THSD7B: variants seen among roughly 807,000 people sequenced by gnomAD.
THSD7B encodes thrombospondin type 1 domain containing 7B, also known as thrombospondin type-1 domain-containing protein 7B.
THSD7B carries 138 observed loss-of-function variants against 213.6 expected under a neutral mutation model. That is an observed-to-expected ratio of 0.65 (90% CI 0.56 to 0.74). The LOEUF (loss-of-function observed/expected upper bound fraction) is 0.74, where lower values mean the gene tolerates loss of function less well. Ranked by LOEUF, THSD7B falls within the 30% of genes least tolerant of loss-of-function variation. The probability of loss-of-function intolerance (pLI) is 0.00; values close to 1 mark genes in which losing one functional copy is unlikely to be tolerated. For missense variants in THSD7B, 1,931 were observed against 1,991.5 expected, an observed-to-expected ratio of 0.97 and a Z score of 0.58; for synonymous variants, 742 against 687.0, an observed-to-expected ratio of 1.08 and a Z score of -1.25.
chr2:137,614,952 C>T (rs1682355952), intron 17 of THSD7B, among the ~76,000 whole-genome samples: 1 of 152,148 alleles, frequency 6.6e-6, no homozygotes, highest in Admixed American at 6.6e-5. Flanking sequence ...AAATATCCCA[C>T]TTATAGAAAT....
chr2:136,842,513 T>C (rs765790357), intron 1 of THSD7B, among the ~76,000 whole-genome samples: 1 of 152,198 alleles, frequency 6.6e-6, no homozygotes, highest in African/African-American at 2.4e-5. Context: ...AGTGAGGTGA[T>C]TTCAGGGAAA....
chr2:137,293,352 G>A (rs954226528), intron 12 of THSD7B, among the ~76,000 whole-genome samples: 1 of 151,912 alleles, frequency 6.6e-6, no homozygotes, highest in African/African-American at 2.4e-5. Context: ...TGCCCAGGAT[G>A]ACCTAAAATC....
At chr2:136,930,581 C>T (rs1684611008) in intron 2 of THSD7B, among the ~76,000 whole-genome samples, 1 of 152,136 alleles carries the variant, frequency 6.6e-6, no homozygotes, top group African/African-American at 2.4e-5. Context: ...TGGTACCCAG[C>T]TAGAAAATGA....
intron 1 of THSD7B, among the ~76,000 whole-genome samples, chr2:136,822,173 G>A (rs1365094535): frequency 6.6e-6 from 1 of 152,180 alleles, no homozygotes. Flanking sequence ...GAATGAAGTA[G>A]AGACTAATGC....
chr2:137,289,663 G>A lies in THSD7B; in HGVS notation c.2500+13637G>A, dbSNP rs553087053. 2.0e-5 allele frequency among the ~76,000 whole-genome samples: 3 copies of A among 152,086 alleles called. No individual in the cohort carries two copies. In the South Asian group the frequency reaches 6.3e-4, roughly 32 times the overall value. On this transcript the variant is annotated intron_variant, in intron 12 of 27. Coordinates refer to ENST00000409968, the MANE Select transcript of THSD7B (RefSeq NM_001316349.2). ...TTTTAAATAATAATTTTGGGACTAA[G>A]GGCTAACAGCAAACAGATATTGAAT...
chr2:137,036,566 T>C (rs987085470), intron 2 of THSD7B, among the ~76,000 whole-genome samples: 3 of 152,174 alleles, frequency 2.0e-5, no homozygotes, highest in Non-Finnish European at 4.4e-5. Flanking sequence ...CATACCTGTT[T>C]CAAGTAGACT....
intron 12 of THSD7B, among the ~76,000 whole-genome samples, chr2:137,284,138 G>A (rs956044610): frequency 2.6e-5 from 4 of 152,132 alleles, no homozygotes; most frequent in African/African-American, 9.6e-5. Flanking sequence ...GAGAGTGTAT[G>A]TGTCAAGGAA....
chr2:137,135,849 T>TA (rs141584301), intron 5 of THSD7B, among the ~76,000 whole-genome samples: 27,700 of 148,972 alleles, frequency 0.19, 2,665 homozygotes, highest in Admixed American at 0.23. Flanking sequence ...TATGCTACAC[T>TA]AAAAAAAAAA....
chr2:137,037,680 G>A (rs1232961071), intron 2 of THSD7B, among the ~76,000 whole-genome samples: 2 of 151,978 alleles, frequency 1.3e-5, no homozygotes, highest in Non-Finnish European at 2.9e-5. Context: ...AGATAAATAT[G>A]GATTTATTTG....
intron 1 of THSD7B, among the ~76,000 whole-genome samples, chr2:136,811,198 G>A (rs990706045): frequency 6.6e-6 from 1 of 152,122 alleles, no homozygotes; most frequent in South Asian, 2.1e-4. Flanking sequence ...CCTGGACTCC[G>A]GGATTTCCCC....
chr2:136,900,348 TC>T (rs1211458714), intron 2 of THSD7B, among the ~76,000 whole-genome samples: 1 of 152,160 alleles, frequency 6.6e-6, no homozygotes, highest in Non-Finnish European at 1.5e-5. Flanking sequence ...CTAAAAAGTT[TC>T]CTTTGGCTCC....
intron 10 of THSD7B, among the ~76,000 whole-genome samples, chr2:137,247,916 T>A (rs1460993661): frequency 6.6e-6 from 1 of 152,186 alleles, no homozygotes; most frequent in Non-Finnish European, 1.5e-5. Flanking sequence ...TAAGGTAATA[T>A]TACCAGCTAC....
intron 10 of THSD7B, among the ~76,000 whole-genome samples, chr2:137,250,294 A>C (rs1682144074): frequency 6.6e-6 from 1 of 152,158 alleles, no homozygotes; most frequent in African/African-American, 2.4e-5. Context: ...TATGGGGTAT[A>C]ATGTGATGTT....
intron 7 of THSD7B, among the ~76,000 whole-genome samples, chr2:137,221,454 C>T (rs1338502280): frequency 1.3e-5 from 2 of 152,032 alleles, no homozygotes; most frequent in Admixed American, 6.6e-5. Flanking sequence ...TAGAACTATA[C>T]AACTACAAAG....
chr2:137,580,506 CTT>C (rs1681551122), intron 17 of THSD7B, among the ~76,000 whole-genome samples: 1 of 152,144 alleles, frequency 6.6e-6, no homozygotes, highest in Non-Finnish European at 1.5e-5. Context: ...ACAATAATGA[CTT>C]TTACCTATCC....
chr2:137,600,602 G>A (rs1341137461), intron 17 of THSD7B, among the ~76,000 whole-genome samples: 1 of 152,102 alleles, frequency 6.6e-6, no homozygotes, highest in Admixed American at 6.5e-5. Flanking sequence ...GCTGGGTGTA[G>A]TGGCACACGC....
chr2:137,667,175 C>A (rs556546218), intron 26 of THSD7B, among the ~76,000 whole-genome samples: 55 of 152,224 alleles, frequency 3.6e-4, no homozygotes, highest in African/African-American at 1.3e-3. Context: ...ATTAGCCCAA[C>A]AATTGGCTGG....
At chr2:137,546,821 T>C (rs1286594680) in intron 15 of THSD7B, among the ~76,000 whole-genome samples, 7 of 151,778 alleles carry the variant, frequency 4.6e-5, no homozygotes, top group Admixed American at 4.6e-4. Context: ...CATGCAGGAA[T>C]AGCTGCTCTT....
intron 10 of THSD7B, among the ~76,000 whole-genome samples, chr2:137,243,181 C>T (rs986088969): frequency 6.6e-6 from 1 of 152,242 alleles, no homozygotes; most frequent in South Asian, 2.1e-4. Flanking sequence ...CTAAAGTGAT[C>T]CCCTCTCTTA....
Sources: allele counts gnomAD v4.1 joint callset (sites outside exome capture counted in the v4.1 genomes callset), GRCh38; gene constraint gnomAD v4.1.1; transcripts MANE v1.5; gene names NCBI Gene and HGNC (gene_info 2026-07-23, HGNC 2026-07-21).